Variants in PTPRN2 observed in about 807,000 individuals in gnomAD.
PTPRN2 encodes the protein receptor-type tyrosine-protein phosphatase N2.
In PTPRN2, 74 loss-of-function variants were observed where a neutral mutation model predicts 118.8. The ratio of observed to expected loss-of-function variants is 0.62; its 90% CI spans 0.52 to 0.76. The LOEUF (loss-of-function observed/expected upper bound fraction) is 0.76. Among genes scored for constraint, PTPRN2 ranks in the 30% least tolerant of loss-of-function variants. The pLI is 0.00. For missense variants in PTPRN2, 1,481 were observed against 1,394.4 expected, an observed-to-expected ratio of 1.06 and a Z score of -0.99; for synonymous variants, 641 against 608.0, an observed-to-expected ratio of 1.05 and a Z score of -0.80.
At chr7:157,687,919 GC>G (rs1437512504) in intron 12 of PTPRN2, among the ~76,000 whole-genome samples, 1 of 152,156 alleles carries the variant, frequency 6.6e-6, no homozygotes, top group African/African-American at 2.4e-5. Context: ...GAGAAGTCAG[GC>G]GGAAATAATC....
At chr7:158,132,617 TACAC>T (rs905814857) in intron 9 of PTPRN2, among the ~76,000 whole-genome samples, 3 of 149,840 alleles carry the variant, frequency 2.0e-5, no homozygotes, top group Non-Finnish European at 3.0e-5. Context: ...CTACCCAACA[TACAC>T]ACTCATATAC....
intron 11 of PTPRN2, among the ~76,000 whole-genome samples, chr7:157,939,430 C>T (rs1799913780): frequency 6.6e-6 from 1 of 152,254 alleles, no homozygotes; most frequent in African/African-American, 2.4e-5. Flanking sequence ...AGGCCTCTGG[C>T]TGCAGGAGAG....
At position 157,548,947 on chromosome 7, in the gene PTPRN2, T is replaced by G; in HGVS notation, c.2975A>C (p.Lys992Thr). 6.2e-7 allele frequency: 1 copy of G among 1,614,028 alleles called. No individual in the cohort carries two copies. The highest frequency in any genetic ancestry group is 8.5e-7 in the Non-Finnish European group (1 of 1,179,854). The change falls in exon 22 of 23, where the codon AAG becomes ACG. Residue 992 changes from lysine to threonine, a missense_variant and splice_region_variant. By Grantham distance (78) the Lys-to-Thr change is moderately conservative. Around this residue, in one of 3 missense-constraint regions of PTPRN2, gnomAD observed 362 missense variants for 384.1 expected, o/e 0.94. Transcript: ENST00000389418. ...RDQRPGMVQTKEQFEFALTAV... is the reference protein window; with the variant it reads ...RDQRPGMVQTTEQFEFALTAV... ...TCCCGGAGGAGAGACTGACAGTACC[T>G]TCGTCTGGACCATGCCGGGTCTCTG...
rs74645930 is a variant in PTPRN2, at chr7:157,539,753, C to T, written c.*961G>A. 1 of 151,944 alleles carries T rather than the reference C, an allele frequency of 6.6e-6. No individual in the cohort carries two copies. Among genetic ancestry groups the T allele is most frequent in the South Asian group, 2.1e-4 (1 of 4,822 alleles). 9.4% of individuals were successfully genotyped at this position (151,944 alleles called of 1,614,324 possible). A position where few individuals can be genotyped will look rare whatever the true frequency, so the allele number is the denominator to read the frequency against. ...GCCCTCTCCGAGTTGCCCTGATCTCCTTCTCTCCCAGGAGGGAAATGTCCC... is the reference window on the plus strand; with the variant it reads ...GCCCTCTCCGAGTTGCCCTGATCTCTTTCTCTCCCAGGAGGGAAATGTCCC... On this transcript the variant is annotated 3_prime_UTR_variant, in exon 23 of 23. Transcript: ENST00000389418.
chr7:157,912,835 C>T (rs150288702), intron 11 of PTPRN2, among the ~76,000 whole-genome samples: 6 of 152,310 alleles, frequency 3.9e-5, no homozygotes, highest in Non-Finnish European at 8.8e-5. Flanking sequence ...TCCCTCTGTT[C>T]CTGGCCCAGG....
chr7:157,657,450 TCA>T lies in PTPRN2; in HGVS notation c.2002-901_2002-900del, dbSNP rs1368409942. Among the ~76,000 whole-genome samples the T allele has an allele frequency of 2.8e-3, 102 of 35,896 alleles. 7 individuals carry two copies. The highest frequency in any genetic ancestry group is 0.012 in the African/African-American group (96 of 7,898). The allele number at this position is 35,896 out of a possible 152,430, so 23.5% of individuals were successfully genotyped here. Reference sequence around the variant, plus strand: ...ACGCCACACACACACACCACACACATCACACATATACACACACATACACCACA... The same window carrying T: ...ACGCCACACACACACACCACACACATCACATATACACACACATACACCACA... On this transcript the variant is annotated intron_variant, in intron 13 of 22. Transcript: ENST00000389418.
At chr7:157,731,076 C>T (rs1173841457) in intron 12 of PTPRN2, among the ~76,000 whole-genome samples, 2 of 152,160 alleles carry the variant, frequency 1.3e-5, no homozygotes, top group African/African-American at 2.4e-5. Context: ...AGTAAACCCC[C>T]TGCAGTTCCC....
intron 2 of PTPRN2, among the ~76,000 whole-genome samples, chr7:158,334,649 C>G (rs1805230593): frequency 1.1e-5 from 1 of 93,434 alleles, no homozygotes; most frequent in African/African-American, 3.5e-5. Context: ...ACACTCTCAC[C>G]ATAATTGGTG....
chr7:158,212,416 T>C (rs1563610673), intron 3 of PTPRN2, among the ~76,000 whole-genome samples: 1 of 152,158 alleles, frequency 6.6e-6, no homozygotes, highest in Non-Finnish European at 1.5e-5. Context: ...AAAGGATAAA[T>C]ACTTCAGGTG....
chr7:157,876,969 GGAA>G, intron 12 of PTPRN2, among the ~76,000 whole-genome samples: 1 of 152,332 alleles, frequency 6.6e-6, no homozygotes, highest in African/African-American at 2.4e-5. Flanking sequence ...TACCCACAGG[GGAA>G]GGTGCAGGAT....
intron 11 of PTPRN2, among the ~76,000 whole-genome samples, chr7:158,065,065 A>G (rs1810652601): frequency 6.6e-6 from 1 of 152,238 alleles, no homozygotes; most frequent in Non-Finnish European, 1.5e-5. Context: ...AATCTGGCAT[A>G]CTTCTGGGTG....
At chr7:157,604,598 G>C (rs1801891016) in intron 15 of PTPRN2, among the ~76,000 whole-genome samples, 1 of 152,160 alleles carries the variant, frequency 6.6e-6, no homozygotes, top group Admixed American at 6.5e-5. Context: ...TTTCAAAATA[G>C]AAAGTTTCAT....
intron 2 of PTPRN2, among the ~76,000 whole-genome samples, chr7:158,371,350 GATTA>G (rs543028599): frequency 1.1e-3 from 156 of 147,570 alleles, no homozygotes; most frequent in Non-Finnish European, 1.9e-3. Context: ...AAAAAAAAAA[GATTA>G]ATTTCACTTC....
At chr7:158,084,504 G>A (rs2128934464) in intron 10 of PTPRN2, among the ~76,000 whole-genome samples, 1 of 152,128 alleles carries the variant, frequency 6.6e-6, no homozygotes, top group East Asian at 1.9e-4. Flanking sequence ...CATCAAAAGG[G>A]GAATTTCTGT....
chr7:158,414,264 G>C (rs1266362867), intron 2 of PTPRN2, among the ~76,000 whole-genome samples: 1 of 152,078 alleles, frequency 6.6e-6, no homozygotes, highest in African/African-American at 2.4e-5. Context: ...GAGGACAGCA[G>C]CACTAAACCA....
chr7:158,059,257 C>T (rs12534859), intron 11 of PTPRN2, among the ~76,000 whole-genome samples: 36 of 102,946 alleles, frequency 3.5e-4, no homozygotes, highest in South Asian at 6.9e-4. Context: ...CAGTGAGACA[C>T]CACTGCAGCC....
At chr7:157,789,352 G>A (rs1322694084) in intron 12 of PTPRN2, among the ~76,000 whole-genome samples, 3 of 152,160 alleles carry the variant, frequency 2.0e-5, no homozygotes, top group South Asian at 2.1e-4. Context: ...TGGTGGTCCC[G>A]GGGCAGCCAG....
At chr7:158,087,615 TC>T in intron 10 of PTPRN2, among the ~76,000 whole-genome samples, 5 of 152,174 alleles carry the variant, frequency 3.3e-5, no homozygotes, top group African/African-American at 1.2e-4. Flanking sequence ...ACACAAACCT[TC>T]CTCCCCTGAT....
intron 11 of PTPRN2, among the ~76,000 whole-genome samples, chr7:158,011,780 G>A (rs116727444): frequency 2.0e-3 from 300 of 152,290 alleles, no homozygotes; most frequent in African/African-American, 7.0e-3. Flanking sequence ...CACAGAGAAA[G>A]TGAGAGCAGA....
Sources: gnomAD v4.1 joint callset for allele counts (sites outside exome capture counted in the v4.1 genomes callset) on GRCh38, gnomAD v4.1.1 for gene constraint, gnomAD v4.1.1 regional missense constraint, MANE v1.5 for transcripts, NCBI Gene and HGNC (gene_info 2026-07-23, HGNC 2026-07-21) for gene names.